MAGI1: variants seen among roughly 807,000 people sequenced by gnomAD.
MAGI1 encodes the protein membrane-associated guanylate kinase, WW and PDZ domain-containing protein 1.
Under a neutral mutation model 139.9 loss-of-function variants are expected in MAGI1, and 58 were observed. That is an observed-to-expected ratio of 0.41 (90% CI 0.34 to 0.52). MAGI1 has a LOEUF of 0.52. Among genes scored for constraint, MAGI1 ranks in the 20% least tolerant of loss-of-function variants. The probability of loss-of-function intolerance (pLI) is 0.12; values close to 1 mark genes in which losing one functional copy is unlikely to be tolerated. For synonymous variants in MAGI1, 812 were observed against 737.9 expected, an observed-to-expected ratio of 1.10 and a Z score of -1.63; for missense variants, 1,874 against 1,901.6, an observed-to-expected ratio of 0.99 and a Z score of 0.27.
chr3:65,847,461 C>T (rs56052808), intron 1 of MAGI1, among the ~76,000 whole-genome samples: 23,109 of 152,082 alleles, frequency 0.15, 2,794 homozygotes, highest in African/African-American at 0.34. Flanking sequence ...AAGTGATCCA[C>T]GGAAGAAATC....
At chr3:65,391,414 A>T (rs1943913119) in intron 13 of MAGI1, 56 bp from the exon 14 acceptor site, 2 of 1,453,690 alleles carry the variant, frequency 1.4e-6, no homozygotes, top group Admixed American at 1.7e-5. Context: ...GGTTCTCTGA[A>T]TGGGTGCTTT....
At chr3:65,486,385 C>T (rs1048324700) in intron 3 of MAGI1, among the ~76,000 whole-genome samples, 7 of 152,190 alleles carry the variant, frequency 4.6e-5, no homozygotes, top group Admixed American at 3.9e-4. Flanking sequence ...TCCCCACCCT[C>T]CACTGAATAG....
At chr3:65,794,171 G>A (rs190638339) in intron 1 of MAGI1, among the ~76,000 whole-genome samples, 206 of 152,166 alleles carry the variant, frequency 1.4e-3, no homozygotes, top group African/African-American at 4.6e-3. Context: ...TTTCCTTCTC[G>A]TAAAAGGAAA....
At chr3:65,597,925 T>TC (rs774011540) in intron 2 of MAGI1, 1 of 371,046 alleles carries the variant, frequency 2.7e-6, no homozygotes, top group Non-Finnish European at 5.4e-6. Flanking sequence ...GAGGCGGGGG[T>TC]GGGGGGGGGG....
intron 4 of MAGI1, among the ~76,000 whole-genome samples, chr3:65,478,319 A>C (rs1444251966): frequency 1.3e-5 from 2 of 152,194 alleles, no homozygotes; most frequent in East Asian, 1.9e-4. Flanking sequence ...GAAGAGAAAG[A>C]AACCATGCTG....
At chr3:65,846,363 C>A (rs2058994471) in intron 1 of MAGI1, among the ~76,000 whole-genome samples, 2 of 152,208 alleles carry the variant, frequency 1.3e-5, no homozygotes, top group African/African-American at 4.8e-5. Flanking sequence ...CCAAACTCTG[C>A]AAAATTGCAA....
rs79314087 is a variant in MAGI1, at chr3:65,619,718, A to G, written c.430+2254T>C. On this transcript the variant is annotated intron_variant, in intron 2 of 22. Coordinates refer to ENST00000402939, the MANE Select transcript of MAGI1 (RefSeq NM_001033057.2). The stretch of plus-strand genomic sequence containing the variant: ...TAAACACAAATGTGGCCAGAGTAAC[A>G]TAAGTCGAAAGAATCCCAAGTAAGC... 1.9e-3 allele frequency: 618 copies of G among 328,076 alleles called. 8 individuals are homozygous for G. The highest frequency in any genetic ancestry group is 0.013 in the African/African-American group (591 of 44,696). The allele number at this position is 328,076 out of a possible 1,614,324, so 20.3% of individuals were successfully genotyped here.
intron 1 of MAGI1, among the ~76,000 whole-genome samples, chr3:65,996,938 C>G (rs1324542470): frequency 6.6e-6 from 1 of 152,226 alleles, no homozygotes; most frequent in Non-Finnish European, 1.5e-5. Context: ...GACGTCATCT[C>G]CAACACACAC....
intron 2 of MAGI1, among the ~76,000 whole-genome samples, chr3:65,521,180 G>A (rs567107761): frequency 6.6e-6 from 1 of 151,672 alleles, no homozygotes; most frequent in Non-Finnish European, 1.5e-5. Flanking sequence ...ACAGATCTCT[G>A]TTAGAGATAC....
intron 1 of MAGI1, among the ~76,000 whole-genome samples, chr3:65,700,801 T>C (rs2089548697): frequency 6.6e-6 from 1 of 152,216 alleles, no homozygotes; most frequent in South Asian, 2.1e-4. Context: ...CAAACATCTT[T>C]ACCTGAAGCT....
chr3:65,437,712 T>C (rs1175528639), intron 9 of MAGI1, among the ~76,000 whole-genome samples: 1 of 152,128 alleles, frequency 6.6e-6, no homozygotes, highest in East Asian at 1.9e-4. Context: ...TTACAAATAC[T>C]CCTGGGTCCT....
chr3:65,877,963 TAGTC>T (rs1223795639), intron 1 of MAGI1, among the ~76,000 whole-genome samples: 3 of 151,538 alleles, frequency 2.0e-5, no homozygotes, highest in Non-Finnish European at 2.9e-5. Context: ...TTTAAAAAAT[TAGTC>T]AGGCACAGTG....
chr3:65,978,543 A>G (rs2065379031), intron 1 of MAGI1, among the ~76,000 whole-genome samples: 1 of 151,534 alleles, frequency 6.6e-6, no homozygotes, highest in African/African-American at 2.4e-5. Context: ...CCTATCCCCC[A>G]TTCCTAACAG....
chr3:65,948,983 A>G (rs934932365), intron 1 of MAGI1, among the ~76,000 whole-genome samples: 2 of 152,218 alleles, frequency 1.3e-5, no homozygotes, highest in Non-Finnish European at 2.9e-5. Context: ...ACAAGAGCAA[A>G]GCAAATGCAG....
At chr3:65,611,660 C>A (rs2083130922) in intron 2 of MAGI1, among the ~76,000 whole-genome samples, 1 of 145,216 alleles carries the variant, frequency 6.9e-6, no homozygotes, top group African/African-American at 2.5e-5. Context: ...ATATACTATA[C>A]TATTATAGTA....
At chr3:65,602,644 A>G (rs1449531002) in intron 2 of MAGI1, among the ~76,000 whole-genome samples, 1 of 152,166 alleles carries the variant, frequency 6.6e-6, no homozygotes, top group Non-Finnish European at 1.5e-5. Flanking sequence ...TTGAGAATAA[A>G]CTAAAAAATA....
At chr3:65,881,397 C>T (rs1418317632) in intron 1 of MAGI1, among the ~76,000 whole-genome samples, 1 of 152,094 alleles carries the variant, frequency 6.6e-6, no homozygotes. Flanking sequence ...GGGGCCAAGG[C>T]AGGAGGATCA....
chr3:65,396,884 T>C (rs1176000539), intron 13 of MAGI1, among the ~76,000 whole-genome samples: 1 of 152,176 alleles, frequency 6.6e-6, no homozygotes, highest in Non-Finnish European at 1.5e-5. Flanking sequence ...AGTCAAACGA[T>C]TTCTTCCAAA....
Position 65,355,875 on chromosome 3 carries a change from T to A in MAGI1, c.*503A>T, listed in dbSNP as rs990802635. On this transcript the variant is annotated 3_prime_UTR_variant, in exon 23 of 23. Coordinates refer to ENST00000402939, the MANE Select transcript of MAGI1 (RefSeq NM_001033057.2). ...GGCAAACCTAATCCATCCCCAAGGG[T>A]CCTCAGCTTTTACAAATAAAACTTT... The A allele has an allele frequency of 6.5e-6, 1 of 152,732 alleles. No individual in the cohort carries two copies. Among genetic ancestry groups the A allele is most frequent in the Non-Finnish European group, 1.5e-5 (1 of 68,142 alleles). 9.5% of individuals were successfully genotyped at this position (152,732 alleles called of 1,614,324 possible).
Sources: gnomAD v4.1 joint callset for allele counts (sites outside exome capture counted in the v4.1 genomes callset) on GRCh38, gnomAD v4.1.1 for gene constraint, MANE v1.5 for transcripts, NCBI Gene and HGNC (gene_info 2026-07-23, HGNC 2026-07-21) for gene names.